The following GRM7 variants were observed in gnomAD, a reference collection of about 807,000 sequenced individuals.
GRM7 encodes the protein glutamate metabotropic receptor 7, also known as metabotropic glutamate receptor 7.
GRM7 carries 35 observed loss-of-function variants against 84.5 expected under a neutral mutation model. The ratio of observed to expected loss-of-function variants is 0.41; its 90% CI spans 0.32 to 0.55. The LOEUF (loss-of-function observed/expected upper bound fraction) is 0.55. Ranked by LOEUF, GRM7 falls within the 20% of genes least tolerant of loss-of-function variation. The probability of loss-of-function intolerance (pLI) is 0.19; values close to 1 mark genes in which losing one functional copy is unlikely to be tolerated. For missense variants in GRM7, 1,003 were observed against 1,194.6 expected (o/e 0.84, Z 2.36); for synonymous variants, 487 against 455.1 (o/e 1.07, Z -0.89).
chr3:7,349,527 T>G (rs908420145), intron 4 of GRM7, among the ~76,000 whole-genome samples: 4 of 152,142 alleles, frequency 2.6e-5, no homozygotes, highest in African/African-American at 9.7e-5. Flanking sequence ...ATATTTTAAC[T>G]TGTGGTGTCG....
intron 7 of GRM7, among the ~76,000 whole-genome samples, chr3:7,485,942 A>T (rs1575405741): frequency 6.6e-6 from 1 of 152,324 alleles, no homozygotes; most frequent in East Asian, 1.9e-4. Flanking sequence ...TAGCTGACAG[A>T]AGCTGTAACT....
intron 1 of GRM7, among the ~76,000 whole-genome samples, chr3:7,142,785 AGC>A (rs772375575): frequency 6.6e-6 from 1 of 152,172 alleles, no homozygotes; most frequent in Non-Finnish European, 1.5e-5. Flanking sequence ...TTTTATAAAT[AGC>A]ATATGTTGTT....
chr3:6,951,127 C>T (rs182455369), intron 1 of GRM7, among the ~76,000 whole-genome samples: 38 of 152,190 alleles, frequency 2.5e-4, no homozygotes, highest in African/African-American at 7.5e-4. Flanking sequence ...CCATCTTCTG[C>T]GTCGCTCACA....
chr3:6,941,158 A>C (rs1353915658), intron 1 of GRM7, among the ~76,000 whole-genome samples: 1 of 152,170 alleles, frequency 6.6e-6, no homozygotes, highest in Non-Finnish European at 1.5e-5. Flanking sequence ...CCGAAAGGCC[A>C]AGGGAGTCAT....
intron 5 of GRM7, among the ~76,000 whole-genome samples, chr3:7,423,129 A>G (rs1463008676): frequency 6.6e-6 from 1 of 152,180 alleles, no homozygotes; most frequent in Admixed American, 6.5e-5. Context: ...ACTGAATGCC[A>G]TTTTAATTCA....
chr3:7,471,224 C>T (rs188714067), intron 7 of GRM7, among the ~76,000 whole-genome samples: 92 of 151,582 alleles, frequency 6.1e-4, no homozygotes, highest in African/African-American at 2.0e-3. Context: ...AAAAAATTAC[C>T]GCTAATTTAG....
chr3:7,356,057 C>T (rs912162128), intron 4 of GRM7, among the ~76,000 whole-genome samples: 23 of 152,090 alleles, frequency 1.5e-4, no homozygotes, highest in African/African-American at 5.1e-4. Flanking sequence ...AGCCAGTGCA[C>T]CTGGTTGTGC....
At chr3:6,978,631 A>G (rs1011057998) in intron 1 of GRM7, among the ~76,000 whole-genome samples, 8 of 152,164 alleles carry the variant, frequency 5.3e-5, no homozygotes, top group South Asian at 2.1e-4. Context: ...GATTTGTTTT[A>G]TCTTACCACT....
chr3:7,515,399 G>A (rs1193845797), intron 7 of GRM7, among the ~76,000 whole-genome samples: 2 of 152,098 alleles, frequency 1.3e-5, no homozygotes, highest in Non-Finnish European at 2.9e-5. Context: ...CAGGAGCACT[G>A]CCCCGAGCTG....
At chr3:7,361,004 T>C (rs181290472) in intron 4 of GRM7, among the ~76,000 whole-genome samples, 1 of 152,122 alleles carries the variant, frequency 6.6e-6, no homozygotes, top group African/African-American at 2.4e-5. Context: ...GCTCTTGAAC[T>C]GATGCCTAAT....
intron 1 of GRM7, among the ~76,000 whole-genome samples, chr3:7,001,838 A>G (rs569853306): frequency 6.8e-4 from 103 of 152,326 alleles, no homozygotes; most frequent in African/African-American, 2.4e-3. Context: ...TACAATAAAC[A>G]TGAATTATAT....
At chr3:7,186,904 G>A (rs879928751) in intron 2 of GRM7, among the ~76,000 whole-genome samples, 5 of 152,066 alleles carry the variant, frequency 3.3e-5, no homozygotes, top group East Asian at 1.9e-4. Flanking sequence ...AAGACAATAC[G>A]TTTCATATAC....
intron 9 of GRM7, among the ~76,000 whole-genome samples, chr3:7,712,409 TTCTC>T (rs1012856057): frequency 6.6e-6 from 1 of 151,658 alleles, no homozygotes; most frequent in Non-Finnish European, 1.5e-5. Context: ...AAAGATGACT[TTCTC>T]TCTCTCTTCC....
At chr3:7,575,815 G>A (rs1186676146) in intron 7 of GRM7, among the ~76,000 whole-genome samples, 1 of 152,110 alleles carries the variant, frequency 6.6e-6, no homozygotes, top group African/African-American at 2.4e-5. Flanking sequence ...CAGTCAATGT[G>A]ATGTTCGTGG....
intron 2 of GRM7, among the ~76,000 whole-genome samples, chr3:7,206,940 A>G (rs529046262): frequency 1.1e-4 from 17 of 152,332 alleles, no homozygotes; most frequent in African/African-American, 4.1e-4. Flanking sequence ...TGTTGAAAAT[A>G]TGGACAAGAT....
At chr3:7,149,310 G>A (rs141984537) in intron 2 of GRM7, among the ~76,000 whole-genome samples, 75 of 152,182 alleles carry the variant, frequency 4.9e-4, no homozygotes, top group African/African-American at 1.6e-3. Context: ...CTCTCATAAG[G>A]CGCGCATCTT....
At position 7,317,830 on chromosome 3, in the gene GRM7, A is replaced by G. The variant is rs1700637613; in HGVS notation, c.1033+11178A>G. On this transcript the variant is annotated intron_variant, in intron 4 of 9. Coordinates refer to ENST00000357716, the MANE Select transcript of GRM7 (RefSeq NM_000844.4). ...AGACTGCTGTCAAGAAGAAGAGGTG[A>G]GGGAATAAAGAGAAGGAATTACAGG... is the stretch of plus-strand genomic sequence containing the variant. 3.3e-5 allele frequency among the ~76,000 whole-genome samples: 5 copies of G among 152,032 alleles called. No homozygotes were observed. The South Asian group carries it at 1.0e-3, about 31-fold the overall frequency.
At chr3:7,230,359 G>T (rs1400434933) in intron 2 of GRM7, among the ~76,000 whole-genome samples, 1 of 152,110 alleles carries the variant, frequency 6.6e-6, no homozygotes, top group Non-Finnish European at 1.5e-5. Flanking sequence ...GAGCAAGCAA[G>T]GTCACATACT....
At chr3:7,599,928 G>A (rs1248002730) in intron 8 of GRM7, among the ~76,000 whole-genome samples, 1 of 152,054 alleles carries the variant, frequency 6.6e-6, no homozygotes, top group African/African-American at 2.4e-5. Flanking sequence ...TTTTTTGAGT[G>A]ATACAGTGGT....
Sources: allele counts gnomAD v4.1 joint callset (sites outside exome capture counted in the v4.1 genomes callset), GRCh38; gene constraint gnomAD v4.1.1; transcripts MANE v1.5; gene names NCBI Gene and HGNC (gene_info 2026-07-23, HGNC 2026-07-21).